The following CDK5 variants were observed in gnomAD, a reference collection of about 807,000 sequenced individuals.
The protein encoded by CDK5 is cyclin dependent kinase 5, also known as cyclin-dependent kinase 5.
In CDK5, 18 loss-of-function variants were observed where a neutral mutation model predicts 44.6. The observed-to-expected ratio is 0.40, with a 90% CI of 0.28 to 0.60. The LOEUF (loss-of-function observed/expected upper bound fraction) is 0.60, where lower values mean the gene tolerates loss of function less well. Ranked by LOEUF, CDK5 falls within the 20% of genes least tolerant of loss-of-function variation. CDK5 has a pLI of 0.38. For synonymous variants in CDK5, 143 were observed against 152.8 expected (o/e 0.94, Z 0.47); for missense variants, 198 against 368.1 (o/e 0.54, Z 3.78).
Position 151,057,215 on chromosome 7 carries a change from A to G in CDK5, c.38-55T>C. 1 of 1,310,778 alleles carries G rather than the reference A, an allele frequency of 7.6e-7. No individual in the cohort carries two copies. Among genetic ancestry groups the G allele is most frequent in the Non-Finnish European group, 1.1e-6 (1 of 903,374 alleles). 81.2% of individuals were successfully genotyped at this position (1,310,778 alleles called of 1,614,324 possible). A position where few individuals can be genotyped will look rare whatever the true frequency, so the allele number is the denominator to read the frequency against. On this transcript the variant is annotated intron_variant, in intron 1 of 11. Transcript: ENST00000485972. This position sits in a 1 kb window ranked among gnomAD's most constrained non-coding sequence, Gnocchi z 5.2. ...AGGATGCGGCACTCTTCCCTAAGCCAGGAAATGCCTCCTGAGAGAGGTGAA... is the reference window on the plus strand; with the variant it reads ...AGGATGCGGCACTCTTCCCTAAGCCGGGAAATGCCTCCTGAGAGAGGTGAA...
rs773537135 is a variant in CDK5, at chr7:151,057,876, C to T, written c.-28G>A. On this transcript the variant is annotated 5_prime_UTR_variant, in exon 1 of 12. Coordinates refer to ENST00000485972, the MANE Select transcript of CDK5 (RefSeq NM_004935.4). This position sits in a 1 kb window ranked among gnomAD's most constrained non-coding sequence, Gnocchi z 5.2. ...CGGCGGCCGCGGGGACCCCTGCGGG[C>T]CCTCGGTTTTAAGACTCTGGCCCCG... 6.3e-7 allele frequency: 1 copy of T among 1,598,728 alleles called. No individual in the cohort carries two copies. Among genetic ancestry groups the T allele is most frequent in the East Asian group, 2.3e-5 (1 of 44,280 alleles).
Position 151,054,284 on chromosome 7 carries a change from C to T in CDK5, c.720G>A (p.Pro240=), listed in dbSNP as rs62490285. ...CCAGGGATGTTGTGGCCGGGTACAT[C>T]GGATAGGGCTGTGGAGAGGCAGGGA... The part of the protein sequence containing the change: ...MTKLPDYKPY[P]MYPATTSLVN... Residue 240 remains proline (P), a synonymous_variant, in exon 11 of 12, where the codon CCG becomes CCA. Coordinates refer to ENST00000485972, the MANE Select transcript of CDK5 (RefSeq NM_004935.4). This position sits in a 1 kb window ranked among gnomAD's most constrained non-coding sequence, Gnocchi z 5.7. 18 of 1,613,518 alleles carry T rather than the reference C, an allele frequency of 1.1e-5. No individual in the cohort carries two copies. The highest frequency in any genetic ancestry group is 4.5e-5 in the East Asian group (2 of 44,884).
rs1356237602 is a variant in CDK5, at chr7:151,055,257, G to GC, written c.580+19dup. On this transcript the variant is annotated intron_variant, in intron 8 of 11. Coordinates refer to ENST00000485972, the MANE Select transcript of CDK5 (RefSeq NM_004935.4). ...CTCAAATGGGAAAGAAGGTGCCTCTGCAACACCCCAGCACATCACCTGCAA... is the reference window on the plus strand; with the variant it reads ...CTCAAATGGGAAAGAAGGTGCCTCTGCCAACACCCCAGCACATCACCTGCAA... 4 of 1,604,710 alleles carry GC rather than the reference G, an allele frequency of 2.5e-6. No individual in the cohort carries two copies. The highest frequency in any genetic ancestry group is 1.3e-5 in the African/African-American group (1 of 74,726).
Position 151,054,033 on chromosome 7 carries a change from G to A in CDK5, c.855C>T (p.Tyr285=). 6.3e-7 allele frequency: 1 copy of A among 1,598,886 alleles called. No homozygotes were observed. Among genetic ancestry groups the A allele is most frequent in the Non-Finnish European group, 8.5e-7 (1 of 1,173,000 alleles). ...CCTAGGGCGGACAGAAGTCGGAGAAGTAGGGGTGCTGCAGGGCCTCTTCTG... is the reference window on the plus strand; with the variant it reads ...CCTAGGGCGGACAGAAGTCGGAGAAATAGGGGTGCTGCAGGGCCTCTTCTG... ...ISAEEALQHP[Y]FSDFCPP Residue 285 remains tyrosine, a synonymous_variant, in exon 12 of 12, where the codon TAC becomes TAT. Transcript: ENST00000485972. The surrounding 1 kb of genome is among the most constrained non-coding windows in gnomAD (Gnocchi z 5.7).
In CDK5 at chr7:151,055,619, G is replaced by A. The variant is rs1563327846; in HGVS notation, c.409-13C>T. 1 of 1,612,858 alleles carries A rather than the reference G, an allele frequency of 6.2e-7. No homozygotes were observed. The highest frequency in any genetic ancestry group is 8.5e-7 in the Non-Finnish European group (1 of 1,179,168). ...TCAGCTCCCCATTCTGAAGGGAATGGGAAGGGGACATGGAGAAGGGCCTTT... is the reference window on the plus strand; with the variant it reads ...TCAGCTCCCCATTCTGAAGGGAATGAGAAGGGGACATGGAGAAGGGCCTTT... On this transcript the variant is annotated splice_polypyrimidine_tract_variant and intron_variant, in intron 6 of 11. Transcript: ENST00000485972.
rs1195984504 is a variant in CDK5, at chr7:151,055,616, A to G, written c.409-10T>C. Reference sequence around the variant, plus strand: ...ATTTCAGCTCCCCATTCTGAAGGGAATGGGAAGGGGACATGGAGAAGGGCC... The same window carrying G: ...ATTTCAGCTCCCCATTCTGAAGGGAGTGGGAAGGGGACATGGAGAAGGGCC... On this transcript the variant is annotated splice_polypyrimidine_tract_variant and intron_variant, in intron 6 of 11. Coordinates refer to ENST00000485972, the MANE Select transcript of CDK5 (RefSeq NM_004935.4). The G allele has an allele frequency of 1.2e-6, 2 of 1,612,760 alleles. No individual in the cohort carries two copies. Among genetic ancestry groups the G allele is most frequent in the African/African-American group, 2.7e-5 (2 of 74,904 alleles).
chr7:151,055,724 C>G (rs879355011), intron 6 of CDK5, 29 bp downstream of exon 6: 3 of 1,575,304 alleles, frequency 1.9e-6, no homozygotes, highest in Non-Finnish European at 2.6e-6. Context: ...CCCAGCCTCT[C>G]CATTCCCCAC....
Position 151,056,866 on chromosome 7 carries a change from C to A in CDK5, c.194+42G>T. 6.3e-7 allele frequency: 1 copy of A among 1,594,372 alleles called. No individual in the cohort carries two copies. Among genetic ancestry groups the A allele is most frequent in the Non-Finnish European group, 8.5e-7 (1 of 1,170,816 alleles). On this transcript the variant is annotated intron_variant, in intron 3 of 11. Coordinates refer to ENST00000485972, the MANE Select transcript of CDK5 (RefSeq NM_004935.4). The surrounding 1 kb of genome is among the most constrained non-coding windows in gnomAD (Gnocchi z 4.7). ...CGTCCAGTGTCAGCCCCCGCCTCCCCCAAGCGGCCACACCGGCAAGGAGCA... is the reference window on the plus strand; with the variant it reads ...CGTCCAGTGTCAGCCCCCGCCTCCCACAAGCGGCCACACCGGCAAGGAGCA...
In CDK5 at chr7:151,053,966, T is replaced by C; in HGVS notation, c.*43A>G. 6.6e-7 allele frequency: 1 copy of C among 1,523,730 alleles called. No homozygotes were observed. Among genetic ancestry groups the C allele is most frequent in the Non-Finnish European group, 8.9e-7 (1 of 1,123,500 alleles). 94.4% of individuals were successfully genotyped at this position (1,523,730 alleles called of 1,614,324 possible). Reference sequence around the variant, plus strand: ...GTCTCACCCCTCTCAAGAGGGGGCTTAAATAGGCCAGGCCCCAGCCTGGAG... The same window carrying C: ...GTCTCACCCCTCTCAAGAGGGGGCTCAAATAGGCCAGGCCCCAGCCTGGAG... On this transcript the variant is annotated 3_prime_UTR_variant, in exon 12 of 12. Transcript: ENST00000485972.
rs1796927631 is a variant in CDK5, at chr7:151,057,679, A to G, written c.37+133T>C. On this transcript the variant is annotated intron_variant, in intron 1 of 11. Transcript: ENST00000485972. This position sits in a 1 kb window ranked among gnomAD's most constrained non-coding sequence, Gnocchi z 5.2. ...TGGTGTCTGCACGGAGTGCTGAGCT[A>G]GGGGGCCAGGGCTGCAGCCGCTGCT... 2.1e-6 allele frequency: 2 copies of G among 934,570 alleles called. No homozygotes were observed. The highest frequency in any genetic ancestry group is 2.8e-5 in the South Asian group (2 of 71,800). The allele number at this position is 934,570 out of a possible 1,614,324, so 57.9% of individuals were successfully genotyped here. A position where few individuals can be genotyped will look rare whatever the true frequency, so the allele number is the denominator to read the frequency against.
At position 151,056,677 on chromosome 7, in the gene CDK5, C is replaced by G; in HGVS notation, c.256-41G>C. ...AGTGGGGGAATGGGACAGAGTTTAA[C>G]CTCAATCTGGGCCCCTATACCTTCC... On this transcript the variant is annotated intron_variant, in intron 4 of 11. Coordinates refer to ENST00000485972, the MANE Select transcript of CDK5 (RefSeq NM_004935.4). This position sits in a 1 kb window ranked among gnomAD's most constrained non-coding sequence, Gnocchi z 4.7. The G allele has an allele frequency of 1.2e-6, 2 of 1,611,614 alleles. No homozygotes were observed. Among genetic ancestry groups the G allele is most frequent in the Non-Finnish European group, 1.7e-6 (2 of 1,178,656 alleles).
In CDK5 at chr7:151,054,570, G is replaced by A. The variant is rs905972434; in HGVS notation, c.651-105C>T. On this transcript the variant is annotated intron_variant, in intron 9 of 11. Coordinates refer to ENST00000485972, the MANE Select transcript of CDK5 (RefSeq NM_004935.4). The surrounding 1 kb of genome is among the most constrained non-coding windows in gnomAD (Gnocchi z 5.7). Reference sequence around the variant, plus strand: ...TGGGGAGGGATTCCTCATACCCACCGCCCACTTCTCACCCTCCCTTTACCC... The same window carrying A: ...TGGGGAGGGATTCCTCATACCCACCACCCACTTCTCACCCTCCCTTTACCC... 9.1e-6 allele frequency: 10 copies of A among 1,095,282 alleles called. No individual in the cohort carries two copies. Among genetic ancestry groups the A allele is most frequent in the South Asian group, 3.0e-5 (2 of 65,698 alleles). The allele number at this position is 1,095,282 out of a possible 1,614,324, so 67.8% of individuals were successfully genotyped here. A position where few individuals can be genotyped will look rare whatever the true frequency, so the allele number is the denominator to read the frequency against.
At position 151,054,903 on chromosome 7, in the gene CDK5, C is replaced by G. The variant is rs1796864134; in HGVS notation, c.650+124G>C. 2.2e-6 allele frequency: 2 copies of G among 922,124 alleles called. No homozygotes were observed. The highest frequency in any genetic ancestry group is 1.4e-5 in the South Asian group (1 of 69,386). 57.1% of individuals were successfully genotyped at this position (922,124 alleles called of 1,614,324 possible). A position where few individuals can be genotyped will look rare whatever the true frequency, so the allele number is the denominator to read the frequency against. On this transcript the variant is annotated intron_variant, in intron 9 of 11. Transcript: ENST00000485972. The surrounding 1 kb of genome is among the most constrained non-coding windows in gnomAD (Gnocchi z 5.7). ...AGCACCCCTGCTCTCTCCCCTTGCC[C>G]TCAGGAGAAGCCCTACAGACCCCAT...
In CDK5 at chr7:151,056,604, ACC is replaced by A; in HGVS notation, c.286_287del (p.Gly96Ter). ...DLKKYFDSCN[G>X]DLDPEIVKSF... ...CCTTTACAATCTCAGGATCGAGGTC[ACC>A]ATTGCAACTGTCAAAATACTTCTTC... On this transcript the variant is annotated frameshift_variant, in exon 5 of 12. Transcript: ENST00000485972. LOFTEE classifies it high-confidence loss of function. This position sits in a 1 kb window ranked among gnomAD's most constrained non-coding sequence, Gnocchi z 4.7. The A allele has an allele frequency of 6.2e-7, 1 of 1,612,168 alleles. No homozygotes were observed. The highest frequency in any genetic ancestry group is 8.5e-7 in the Non-Finnish European group (1 of 1,179,084).
Position 151,056,268 on chromosome 7 carries a change from A to C in CDK5, c.312+312T>G. The C allele has an allele frequency of 5.5e-6, 3 of 546,548 alleles. No homozygotes were observed. Among genetic ancestry groups the C allele is most frequent in the Non-Finnish European group, 9.8e-6 (3 of 306,490 alleles). 33.9% of individuals were successfully genotyped at this position (546,548 alleles called of 1,614,324 possible). A position where few individuals can be genotyped will look rare whatever the true frequency, so the allele number is the denominator to read the frequency against. Reference sequence around the variant, plus strand: ...CATTTGGTCTTGGGCCTAGAAAAGCACCTGGCACACAGTGAAGCATTCAGT... The same window carrying C: ...CATTTGGTCTTGGGCCTAGAAAAGCCCCTGGCACACAGTGAAGCATTCAGT... On this transcript the variant is annotated intron_variant, in intron 5 of 11. Coordinates refer to ENST00000485972, the MANE Select transcript of CDK5 (RefSeq NM_004935.4). The surrounding 1 kb of genome is among the most constrained non-coding windows in gnomAD (Gnocchi z 4.7).
In CDK5 at chr7:151,057,872, C is replaced by T. The variant is rs1796932625; in HGVS notation, c.-24G>A. On this transcript the variant is annotated 5_prime_UTR_variant, in exon 1 of 12. Coordinates refer to ENST00000485972, the MANE Select transcript of CDK5 (RefSeq NM_004935.4). The surrounding 1 kb of genome is among the most constrained non-coding windows in gnomAD (Gnocchi z 5.2). ...ATCGCGGCGGCCGCGGGGACCCCTG[C>T]GGGCCCTCGGTTTTAAGACTCTGGC... The T allele has an allele frequency of 6.2e-7, 1 of 1,601,322 alleles. No homozygotes were observed. The highest frequency in any genetic ancestry group is 1.3e-5 in the African/African-American group (1 of 74,774).
At position 151,056,745 on chromosome 7, in the gene CDK5, G is replaced by C; in HGVS notation, c.246C>G (p.Phe82Leu). 6.2e-7 allele frequency: 1 copy of C among 1,613,066 alleles called. No individual in the cohort carries two copies. Among genetic ancestry groups the C allele is most frequent in the Non-Finnish European group, 8.5e-7 (1 of 1,179,518 alleles). The change falls in exon 4 of 12, where the codon TTC becomes TTG. Residue 82 changes from phenylalanine (F) to leucine (L), a missense_variant. This residue lies in a region of CDK5 where 53 missense variants were observed against 122.7 expected (regional missense o/e 0.43). Coordinates refer to ENST00000485972, the MANE Select transcript of CDK5 (RefSeq NM_004935.4). The surrounding 1 kb of genome is among the most constrained non-coding windows in gnomAD (Gnocchi z 4.7). ...AAACCCCGCCTTTCACCTGGTCACA[G>C]AATTCAAAAACCAAAGTCAGCTTCT... Reference protein sequence around the residue: ...SDKKLTLVFEFCDQDLKKYFD... With the variant: ...SDKKLTLVFELCDQDLKKYFD...
intron 8 of CDK5, 56 bp downstream of exon 8, chr7:151,055,221 C>T (rs1272925207): frequency 1.3e-6 from 2 of 1,578,812 alleles, no homozygotes; most frequent in African/African-American, 1.3e-5. Context: ...CCTCCAGACC[C>T]TATTTGTCAA....
Position 151,055,021 on chromosome 7 carries a change from G to A in CDK5, c.650+6C>T. The A allele has an allele frequency of 6.2e-7, 1 of 1,613,698 alleles. No homozygotes were observed. Among genetic ancestry groups the A allele is most frequent in the Non-Finnish European group, 8.5e-7 (1 of 1,179,722 alleles). On this transcript the variant is annotated splice_donor_region_variant and intron_variant, in intron 9 of 11. Transcript: ENST00000485972. ...GAGGGCTCAAGGCAGAGGAAAGCAA[G>A]GATATCGGAAGATCCTCTTCAACTG... is the stretch of plus-strand genomic sequence containing the variant.
Sources: gnomAD v4.1 joint callset for allele counts on GRCh38, gnomAD v4.1.1 for gene constraint, gnomAD v4.1.1 regional missense constraint, Gnocchi (gnomAD v3.1) non-coding constraint, MANE v1.5 for transcripts, NCBI Gene and HGNC (gene_info 2026-07-23, HGNC 2026-07-21) for gene names.